Variants in HSPA4 observed in about 807,000 individuals in gnomAD.
HSPA4 encodes heat shock protein family A (Hsp70) member 4.
A neutral mutation model predicts 106.2 loss-of-function variants in HSPA4; 25 were observed. The observed-to-expected ratio is 0.24, with a 90% CI of 0.17 to 0.33. The LOEUF is 0.33. HSPA4 is among the 10% of genes least tolerant of loss of function. The pLI is 1.00. For missense variants in HSPA4, 841 were observed against 996.0 expected, an observed-to-expected ratio of 0.84 and a Z score of 2.10; for synonymous variants, 332 against 333.6, an observed-to-expected ratio of 1.00 and a Z score of 0.05.
chr5:133,081,864 A>G (rs1295101057), intron 7 of HSPA4, among the ~76,000 whole-genome samples: 1 of 152,164 alleles, frequency 6.6e-6, no homozygotes, highest in African/African-American at 2.4e-5. Flanking sequence ...AAGCCTCTCA[A>G]AAACAAAACC....
At chr5:133,093,183 C>T (rs1765671798) in intron 13 of HSPA4, among the ~76,000 whole-genome samples, 1 of 151,808 alleles carries the variant, frequency 6.6e-6, no homozygotes, top group Non-Finnish European at 1.5e-5. Context: ...ATGGTTTTGG[C>T]TGAGGGGCAG....
chr5:133,079,877 A>G (rs6596102), intron 7 of HSPA4, among the ~76,000 whole-genome samples: 39,032 of 152,104 alleles, frequency 0.26, 5,234 homozygotes, highest in African/African-American at 0.3. Flanking sequence ...GGGATAGCAC[A>G]TGTGAATAGT....
At chr5:133,061,778 C>A (rs1455831663) in intron 1 of HSPA4, among the ~76,000 whole-genome samples, 1 of 152,086 alleles carries the variant, frequency 6.6e-6, no homozygotes, top group Non-Finnish European at 1.5e-5. Flanking sequence ...TGCCACCACG[C>A]CTGGCTAATT....
At chr5:133,086,054 A>G (rs962046886) in intron 7 of HSPA4, among the ~76,000 whole-genome samples, 1 of 151,452 alleles carries the variant, frequency 6.6e-6, no homozygotes, top group Non-Finnish European at 1.5e-5. Context: ...TTAATATAAA[A>G]GAAAGAGACA....
chr5:133,073,996 C>T lies in HSPA4; in HGVS notation c.533C>T (p.Ala178Val). ...TTTTGTGTTTTTTCTTCTGTAGTTGCTCTTGCATATGGAATCTATAAGCAG... is the reference window on the plus strand; with the variant it reads ...TTTTGTGTTTTTTCTTCTGTAGTTGTTCTTGCATATGGAATCTATAAGCAG... ...LRLMNETTAV[A>V]LAYGIYKQDL... The change falls in exon 6 of 19, where the codon GCT (alanine) becomes GTT (valine). Residue 178 changes from alanine (A) to valine (V), a missense_variant. This residue lies in a region of HSPA4 where 347 missense variants were observed against 408.7 expected (regional missense o/e 0.85). Transcript: ENST00000304858. 3.2e-6 allele frequency: 5 copies of T among 1,558,792 alleles called. No individual in the cohort carries two copies. The highest frequency in any genetic ancestry group is 1.2e-5 in the South Asian group (1 of 81,364).
intron 7 of HSPA4, among the ~76,000 whole-genome samples, chr5:133,079,073 C>A (rs555776884): frequency 6.6e-6 from 1 of 152,114 alleles, no homozygotes; most frequent in Admixed American, 6.6e-5. Context: ...TTGTTTAAAT[C>A]GATGAAACCA....
Position 133,070,352 on chromosome 5 carries a change from C to T in HSPA4, c.307-22C>T, listed in dbSNP as rs1326054606. The T allele has an allele frequency of 6.9e-6, 11 of 1,603,144 alleles. No individual in the cohort carries two copies. In the East Asian group the frequency reaches 2.5e-4, roughly 36 times the overall value. Reference sequence around the variant, plus strand: ...AAGAAAGAAATATAATAAGTCTAGGCCCCTTTGTTGTTTTCTTGCAGGTGA... The same window carrying T: ...AAGAAAGAAATATAATAAGTCTAGGTCCCTTTGTTGTTTTCTTGCAGGTGA... On this transcript the variant is annotated intron_variant, in intron 3 of 18. Coordinates refer to ENST00000304858, the MANE Select transcript of HSPA4 (RefSeq NM_002154.4).
intron 1 of HSPA4, among the ~76,000 whole-genome samples, chr5:133,060,816 CTTT>C (rs34721359): frequency 2.1e-5 from 2 of 95,146 alleles, no homozygotes; most frequent in Admixed American, 1.1e-4. Flanking sequence ...TGAAACAGGA[CTTT>C]TTTTTTTTTT....
chr5:133,074,767 A>C (rs1765426597), intron 6 of HSPA4, among the ~76,000 whole-genome samples: 1 of 152,212 alleles, frequency 6.6e-6, no homozygotes, highest in African/African-American at 2.4e-5. Flanking sequence ...AGTTTTGTAC[A>C]CACAGAAGTA....
intron 7 of HSPA4, among the ~76,000 whole-genome samples, chr5:133,080,435 A>AC: frequency 6.6e-6 from 1 of 151,256 alleles, no homozygotes; most frequent in African/African-American, 2.4e-5. Context: ...AAAAAAAAAA[A>AC]AAAAAACCCA....
chr5:133,097,768 C>CT (rs1028416667), intron 15 of HSPA4, among the ~76,000 whole-genome samples: 8 of 151,906 alleles, frequency 5.3e-5, no homozygotes, highest in Non-Finnish European at 1.2e-4. Flanking sequence ...AGGCTGGTCT[C>CT]TAACTCCTGA....
intron 16 of HSPA4, among the ~76,000 whole-genome samples, chr5:133,099,882 G>C (rs1765763436): frequency 2.6e-5 from 4 of 152,120 alleles, no homozygotes; most frequent in Admixed American, 2.6e-4. Context: ...TCACTGAACT[G>C]GATGTTTAGT....
intron 1 of HSPA4, among the ~76,000 whole-genome samples, chr5:133,056,917 T>TGC (rs1430742872): frequency 6.6e-6 from 1 of 152,210 alleles, no homozygotes; most frequent in Non-Finnish European, 1.5e-5. Flanking sequence ...CTCAGAATAA[T>TGC]GCCTGGGATT....
At chr5:133,102,504 A>G (rs988666451) in intron 17 of HSPA4, among the ~76,000 whole-genome samples, 2 of 152,126 alleles carry the variant, frequency 1.3e-5, no homozygotes, top group Non-Finnish European at 2.9e-5. Context: ...GTACCTTTAT[A>G]AGGTAGGGGG....
Position 133,101,921 on chromosome 5 carries a change from CTTTTTTTTTTT to C in HSPA4, c.2157+56_2157+66del. ...CCTACTCTTATTTTAGTAAAGTTAA[CTTTTTTTTTTT>C]TTTTTTTTTTTTGAGACGGAGTCTT... On this transcript the variant is annotated intron_variant, in intron 17 of 18. Coordinates refer to ENST00000304858, the MANE Select transcript of HSPA4 (RefSeq NM_002154.4). The C allele has an allele frequency of 6.6e-5, 47 of 716,250 alleles. No homozygotes were observed. The African/African-American group carries it at 9.3e-4, about 14-fold the overall frequency. The allele number at this position is 716,250 out of a possible 1,614,324, so 44.4% of individuals were successfully genotyped here.
At position 133,086,875 on chromosome 5, in the gene HSPA4, T is replaced by C. The variant is rs755866546; in HGVS notation, c.985+17T>C. 4 of 1,548,904 alleles carry C rather than the reference T, an allele frequency of 2.6e-6. No individual in the cohort carries two copies. Among genetic ancestry groups the C allele is most frequent in the Non-Finnish European group, 3.6e-6 (4 of 1,120,904 alleles). On this transcript the variant is annotated intron_variant, in intron 8 of 18. Transcript: ENST00000304858. Reference sequence around the variant, plus strand: ...AACAAACCAGTAAGTATTTTTGTGATTGAATTTGTTTGCGTATCTCAGACT... The same window carrying C: ...AACAAACCAGTAAGTATTTTTGTGACTGAATTTGTTTGCGTATCTCAGACT...
At chr5:133,085,134 T>TA (rs148140242) in intron 7 of HSPA4, among the ~76,000 whole-genome samples, 4 of 151,528 alleles carry the variant, frequency 2.6e-5, no homozygotes, top group African/African-American at 4.9e-5. Flanking sequence ...TTCAGCGATT[T>TA]AAAAAAAAAT....
intron 3 of HSPA4, among the ~76,000 whole-genome samples, chr5:133,069,975 C>T (rs1241713443): frequency 6.6e-6 from 1 of 151,760 alleles, no homozygotes; most frequent in Non-Finnish European, 1.5e-5. Flanking sequence ...AGACCAGCAT[C>T]GGCAACAAAG....
intron 7 of HSPA4, among the ~76,000 whole-genome samples, chr5:133,084,338 T>G (rs1258336250): frequency 6.6e-6 from 1 of 152,210 alleles, no homozygotes; most frequent in Non-Finnish European, 1.5e-5. Flanking sequence ...AGTGACTCTT[T>G]AGCTTTTTTT....
Sources: allele counts gnomAD v4.1 joint callset (sites outside exome capture counted in the v4.1 genomes callset), GRCh38; gene constraint gnomAD v4.1.1; regional missense constraint gnomAD v4.1.1; transcripts MANE v1.5; gene names NCBI Gene and HGNC (gene_info 2026-07-23, HGNC 2026-07-21).